Variants in ASIC2 observed in about 807,000 individuals in gnomAD.
The protein encoded by ASIC2 is acid sensing ion channel subunit 2.
In ASIC2, 25 loss-of-function variants were observed where a neutral mutation model predicts 57.3. That is an observed-to-expected ratio of 0.44 (90% CI 0.32 to 0.61). ASIC2 has a LOEUF of 0.61. Among genes scored for constraint, ASIC2 ranks in the 20% least tolerant of loss-of-function variants. The pLI is 0.06. For synonymous variants in ASIC2, 319 were observed against 307.5 expected (o/e 1.04, Z -0.39); for missense variants, 641 against 738.1 (o/e 0.87, Z 1.52).
chr17:33,662,528 C>G lies in ASIC2; in HGVS notation c.555+493450G>C, dbSNP rs538691556. Among the ~76,000 whole-genome samples, 603 of 151,740 alleles carry G rather than the reference C, an allele frequency of 4.0e-3. 3 individuals carry two copies. The highest frequency in any genetic ancestry group is 0.01 in the Middle Eastern group (3 of 294). On this transcript the variant is annotated intron_variant, in intron 1 of 9. Coordinates refer to the ASIC2 transcript ENST00000359872. ...ATCCCAGCTACTCAGGAGACTGAGG[C>G]AGGAGAATTGCTTGAACCTGGGAGG...
intron 1 of ASIC2, among the ~76,000 whole-genome samples, chr17:33,515,370 AT>A (rs1359057742): frequency 6.6e-6 from 1 of 152,190 alleles, no homozygotes; most frequent in Non-Finnish European, 1.5e-5. Context: ...TGAGGCAGCC[AT>A]GGACATTCAC....
chr17:33,826,915 G>T (rs895518166), intron 1 of ASIC2, among the ~76,000 whole-genome samples: 1 of 151,694 alleles, frequency 6.6e-6, no homozygotes, highest in Admixed American at 6.6e-5. Flanking sequence ...ATATAATTAG[G>T]TACTAAATTA....
At chr17:33,019,743 T>C (rs1466374555) in intron 7 of ASIC2, among the ~76,000 whole-genome samples, 2 of 152,050 alleles carry the variant, frequency 1.3e-5, no homozygotes, top group Admixed American at 6.5e-5. Context: ...CTCATCCTCA[T>C]ATCTGACGCA....
intron 1 of ASIC2, among the ~76,000 whole-genome samples, chr17:33,665,743 T>C (rs1907451415): frequency 6.6e-6 from 1 of 152,162 alleles, no homozygotes. Context: ...ATTTTCTCCA[T>C]CTAATTGCTC....
intron 1 of ASIC2, among the ~76,000 whole-genome samples, chr17:33,313,801 A>G (rs1019935159): frequency 6.6e-6 from 1 of 152,066 alleles, no homozygotes; most frequent in Non-Finnish European, 1.5e-5. Flanking sequence ...AGAAAGGGAC[A>G]CTTCCGTATC....
chr17:34,094,130 G>C (rs923271094), intron 1 of ASIC2, among the ~76,000 whole-genome samples: 4 of 152,138 alleles, frequency 2.6e-5, no homozygotes, highest in African/African-American at 9.7e-5. Flanking sequence ...GCGGAGAGGT[G>C]GGTGGGACTG....
At chr17:33,879,302 C>T (rs1468407275) in intron 1 of ASIC2, among the ~76,000 whole-genome samples, 8 of 152,298 alleles carry the variant, frequency 5.3e-5, no homozygotes, top group South Asian at 2.1e-4. Flanking sequence ...AATTAAAAGA[C>T]ACAGACTGGC....
intron 1 of ASIC2, among the ~76,000 whole-genome samples, chr17:33,439,356 G>A (rs1019345032): frequency 6.6e-6 from 1 of 152,196 alleles, no homozygotes; most frequent in African/African-American, 2.4e-5. Context: ...ATTTTGGACG[G>A]GGGGAGGAGT....
chr17:33,969,950 G>A (rs1429837841), intron 1 of ASIC2, among the ~76,000 whole-genome samples: 1 of 152,128 alleles, frequency 6.6e-6, no homozygotes, highest in Non-Finnish European at 1.5e-5. Flanking sequence ...GAAAGGAAAG[G>A]CCCACTCATG....
At chr17:33,159,748 G>A (rs2142037835) in intron 1 of ASIC2, among the ~76,000 whole-genome samples, 1 of 152,312 alleles carries the variant, frequency 6.6e-6, no homozygotes, top group South Asian at 2.1e-4. Flanking sequence ...TGGCTCTATA[G>A]TCAGACTACT....
At chr17:33,930,610 T>G (rs1915910802) in intron 1 of ASIC2, among the ~76,000 whole-genome samples, 1 of 152,222 alleles carries the variant, frequency 6.6e-6, no homozygotes, top group African/African-American at 2.4e-5. Flanking sequence ...ATCATTTCCC[T>G]GTAGGAAGCC....
chr17:33,946,364 G>A (rs1333419191), intron 1 of ASIC2, among the ~76,000 whole-genome samples: 1 of 152,142 alleles, frequency 6.6e-6, no homozygotes, highest in Admixed American at 6.6e-5. Flanking sequence ...CTCTGCTGTA[G>A]CAAAAGTGCC....
chr17:33,839,030 A>G (rs904855761), intron 1 of ASIC2, among the ~76,000 whole-genome samples: 1 of 152,200 alleles, frequency 6.6e-6, no homozygotes, highest in Non-Finnish European at 1.5e-5. Context: ...CAATGCTGCT[A>G]GTGCATGCAC....
chr17:33,310,938 G>A (rs1046675068), intron 1 of ASIC2, among the ~76,000 whole-genome samples: 1 of 152,100 alleles, frequency 6.6e-6, no homozygotes, highest in Admixed American at 6.6e-5. Flanking sequence ...TCAAGGGCTG[G>A]AGCTTTCTTG....
chr17:33,573,233 G>C (rs1026899567), intron 1 of ASIC2, among the ~76,000 whole-genome samples: 1 of 152,148 alleles, frequency 6.6e-6, no homozygotes, highest in Non-Finnish European at 1.5e-5. Flanking sequence ...GCTCCAACCT[G>C]TGTTAAAGGG....
rs1259421193 is a variant in ASIC2, at chr17:33,292,017, C to G, written c.99G>C (p.Ala33=). ...TGCCGCCCCCGGGCTGCCCGGCAGC[C>G]GCCAACGCCGCGGGCGCCGGCTCCT... is the stretch of plus-strand genomic sequence containing the variant. The part of the protein sequence containing the change: ...AREEPAPAAL[A]AAGQPGGGRG... The change falls in exon 1 of 10, where the codon GCG becomes GCC. Residue 33 remains alanine (A), a synonymous_variant. Transcript: ENST00000225823. 9.3e-5 allele frequency: 111 copies of G among 1,197,774 alleles called. No homozygotes were observed. The East Asian group carries it at 3.4e-3, about 37-fold the overall frequency. 74.2% of individuals were successfully genotyped at this position (1,197,774 alleles called of 1,614,324 possible).
chr17:33,535,518 T>G (rs1371191414), intron 1 of ASIC2, among the ~76,000 whole-genome samples: 2 of 151,998 alleles, frequency 1.3e-5, no homozygotes, highest in African/African-American at 4.8e-5. Flanking sequence ...CCTCATGATC[T>G]GCCCGTCTCG....
chr17:34,009,156 A>G (rs1180848828), intron 1 of ASIC2, among the ~76,000 whole-genome samples: 2 of 151,930 alleles, frequency 1.3e-5, no homozygotes, highest in African/African-American at 4.8e-5. Flanking sequence ...TGGGAGTCCT[A>G]TTCGACTTGG....
At chr17:33,906,011 A>ATTTT (rs72050716) in intron 1 of ASIC2, among the ~76,000 whole-genome samples, 12 of 132,530 alleles carry the variant, frequency 9.1e-5, no homozygotes, top group Non-Finnish European at 1.6e-4. Flanking sequence ...TTTTAATTAA[A>ATTTT]TTTTTTTTTT....
Sources: gnomAD v4.1 joint callset for allele counts (sites outside exome capture counted in the v4.1 genomes callset) on GRCh38, gnomAD v4.1.1 for gene constraint, MANE v1.5 for transcripts, NCBI Gene and HGNC (gene_info 2026-07-23, HGNC 2026-07-21) for gene names.